PIGP: variants seen among roughly 807,000 people sequenced by gnomAD.
The protein encoded by PIGP is phosphatidylinositol N-acetylglucosaminyltransferase subunit P.
A neutral mutation model predicts 16.9 loss-of-function variants in PIGP; 12 were observed. That is an observed-to-expected ratio of 0.71 (90% confidence interval 0.46 to 1.15). The LOEUF (loss-of-function observed/expected upper bound fraction) is 1.15. PIGP is among the 50% of genes most tolerant of loss of function. The pLI, the probability that PIGP is intolerant of heterozygous loss-of-function variation, is 0.00. For synonymous variants in PIGP, 57 were observed against 54.7 expected (o/e 1.04, Z -0.18); for missense variants, 159 against 153.5 (o/e 1.04, Z -0.19).
At chr21:37,069,748 A>G in intron 2 of PIGP, 124 bp from the exon 3 acceptor site, 1 of 584,970 alleles carries the variant, frequency 1.7e-6, no homozygotes, top group Non-Finnish European at 2.9e-6. Flanking sequence ...ATTAACTCAG[A>G]AATGATTTTT....
intron 2 of PIGP, among the ~76,000 whole-genome samples, chr21:37,070,222 C>T (rs570506751): frequency 1.8e-4 from 27 of 152,298 alleles, no homozygotes; most frequent in Non-Finnish European, 2.6e-4. Flanking sequence ...GGCAAGTATG[C>T]AATTTTAAAT....
Position 37,065,697 on chromosome 21 carries a change from T to C in PIGP, c.290A>G (p.Asn97Ser). The C allele has an allele frequency of 1.2e-6, 2 of 1,613,040 alleles. No homozygotes were observed. Among genetic ancestry groups the C allele is most frequent in the Non-Finnish European group, 1.7e-6 (2 of 1,179,562 alleles). Residue 97 changes from asparagine to serine, a missense_variant, in exon 5 of 5, where the codon AAT (asparagine) becomes AGT (serine). Transcript: ENST00000360525. ...IHTITDNYAK[N>S]QQQKKYQEEA... ...CTCTTGGTATTTCTTCTGCTGTTGA[T>C]TTTTTGCATAGTTATCTGTAAGAAA...
At position 37,069,637 on chromosome 21, in the gene PIGP, A is replaced by T; in HGVS notation, c.83-13T>A. On this transcript the variant is annotated splice_polypyrimidine_tract_variant and intron_variant, in intron 2 of 4. Coordinates refer to ENST00000360525, the MANE Select transcript of PIGP (RefSeq NM_153682.3). ...ACGAGGTAAAGTACTGTAGAAAAGA[A>T]AAAGAAAAAAAAGAGGAAGAGAAGT... 2.6e-6 allele frequency: 4 copies of T among 1,511,882 alleles called. No individual in the cohort carries two copies. Among genetic ancestry groups the T allele is most frequent in the Non-Finnish European group, 3.6e-6 (4 of 1,114,088 alleles). The allele number at this position is 1,511,882 out of a possible 1,614,324, so 93.7% of individuals were successfully genotyped here. A position where few individuals can be genotyped will look rare whatever the true frequency, so the allele number is the denominator to read the frequency against.
In PIGP at chr21:37,067,315, A is replaced by G; in HGVS notation, c.221T>C (p.Phe74Ser). 1 of 1,612,670 alleles carries G rather than the reference A, an allele frequency of 6.2e-7. No homozygotes were observed. The highest frequency in any genetic ancestry group is 8.5e-7 in the Non-Finnish European group (1 of 1,178,674). Residue 74 changes from phenylalanine (F) to serine (S), a missense_variant, in exon 4 of 5, where the codon TTT becomes TCT. Coordinates refer to ENST00000360525, the MANE Select transcript of PIGP (RefSeq NM_153682.3). The stretch of plus-strand genomic sequence containing the variant: ...AGAGGTACTCATCATGTTAATCCCA[A>G]ACAAGAGCACGTAGCCAATTACTAT... ...IAIVIGYVLLFGINMMSTSPL... is the reference protein window; with the variant it reads ...IAIVIGYVLLSGINMMSTSPL...
In PIGP at chr21:37,071,319, G is replaced by A. The variant is rs146481890; in HGVS notation, c.82+1115C>T. On this transcript the variant is annotated intron_variant, in intron 2 of 4. Transcript: ENST00000360525. ...AAATTTAGAAGGCTTTTATTTAGTA[G>A]CTTTGCAATCTTGAGCAAGTTACTG... Among the ~76,000 whole-genome samples, 206 of 152,324 alleles carry A rather than the reference G, an allele frequency of 1.4e-3. 2 individuals are homozygous for A. The highest frequency in any genetic ancestry group is 4.5e-3 in the African/African-American group (187 of 41,572).
chr21:37,065,726 C>T lies in PIGP; in HGVS notation c.275-14G>A, dbSNP rs377400678. ...TTGCATAGTTATCTGTAAGAAAAGA[C>T]CAAAAAGCTCTGTTTACCTAAGCAA... On this transcript the variant is annotated splice_polypyrimidine_tract_variant and intron_variant, in intron 4 of 4. Coordinates refer to ENST00000360525, the MANE Select transcript of PIGP (RefSeq NM_153682.3). 4.3e-6 allele frequency: 7 copies of T among 1,609,740 alleles called. No homozygotes were observed. The highest frequency in any genetic ancestry group is 5.9e-6 in the Non-Finnish European group (7 of 1,178,356).
chr21:37,071,957 G>A (rs1346464442), intron 2 of PIGP, among the ~76,000 whole-genome samples: 5 of 152,086 alleles, frequency 3.3e-5, no homozygotes, highest in African/African-American at 9.7e-5. Flanking sequence ...AAGCTCCTCG[G>A]GTCCAAACCC....
chr21:37,070,903 C>T (rs1011836397), intron 2 of PIGP, among the ~76,000 whole-genome samples: 1 of 152,174 alleles, frequency 6.6e-6, no homozygotes, highest in Non-Finnish European at 1.5e-5. Flanking sequence ...GCTGGAGTTA[C>T]AGGCATGCGC....
intron 1 of PIGP, 195 bp from the exon 2 acceptor site, chr21:37,072,732 G>A: frequency 1.2e-6 from 1 of 813,524 alleles, no homozygotes; most frequent in Non-Finnish European, 1.9e-6. Context: ...CAGAAGGGGT[G>A]GCGGAGGATA....
chr21:37,069,945 A>G (rs1177071374), intron 2 of PIGP, among the ~76,000 whole-genome samples: 1 of 152,180 alleles, frequency 6.6e-6, no homozygotes, highest in African/African-American at 2.4e-5. Flanking sequence ...TAAGTGTTCA[A>G]TACTTCATCC....
In PIGP at chr21:37,065,708, G is replaced by A. The variant is rs773741455; in HGVS notation, c.279C>T (p.Asn93=). 8 of 1,612,386 alleles carry A rather than the reference G, an allele frequency of 5.0e-6. No homozygotes were observed. In the East Asian group the frequency reaches 1.8e-4, roughly 36 times the overall value. ...TCTTCTGCTGTTGATTTTTTGCATAGTTATCTGTAAGAAAAGACCAAAAAG... is the reference window on the plus strand; with the variant it reads ...TCTTCTGCTGTTGATTTTTTGCATAATTATCTGTAAGAAAAGACCAAAAAG... ...PLDSIHTITD[N]YAKNQQQKKY... is the part of the protein sequence containing the mutation. The change falls in exon 5 of 5, where the codon AAC becomes AAT. Residue 93 remains asparagine (N), a synonymous_variant. Coordinates refer to ENST00000360525, the MANE Select transcript of PIGP (RefSeq NM_153682.3).
chr21:37,071,531 G>C (rs928579047), intron 2 of PIGP, among the ~76,000 whole-genome samples: 1 of 152,148 alleles, frequency 6.6e-6, no homozygotes, highest in African/African-American at 2.4e-5. Context: ...GTCAGAATTC[G>C]AACTCAGTTG....
chr21:37,072,593 C>T (rs1216747467), intron 1 of PIGP, 56 bp from the exon 2 acceptor site: 1 of 1,609,652 alleles, frequency 6.2e-7, no homozygotes, highest in Non-Finnish European at 8.5e-7. Flanking sequence ...ACCATTGATC[C>T]ATTCTCGCCT....
intron 1 of PIGP, 161 bp downstream of exon 1, chr21:37,072,839 G>T: frequency 2.1e-6 from 1 of 483,026 alleles, no homozygotes; most frequent in East Asian, 3.6e-5. Flanking sequence ...AGGCTCGCGC[G>T]GCGCCCACCA....
At chr21:37,068,009 T>TA (rs2069936322) in intron 3 of PIGP, among the ~76,000 whole-genome samples, 3 of 1,432 alleles carry the variant, frequency 2.1e-3, no homozygotes, top group Non-Finnish European at 4.9e-3. Context: ...TTTCATTGAG[T>TA]GTTTTTTTTT....
intron 2 of PIGP, among the ~76,000 whole-genome samples, chr21:37,070,089 C>T (rs949646011): frequency 2.0e-5 from 3 of 152,154 alleles, no homozygotes; most frequent in African/African-American, 4.8e-5. Context: ...TCCGAAATCT[C>T]GGCACTCTTT....
At chr21:37,072,675 C>T in intron 1 of PIGP, 138 bp from the exon 2 acceptor site, 4 of 1,486,668 alleles carry the variant, frequency 2.7e-6, no homozygotes, top group South Asian at 2.4e-5. Flanking sequence ...AACCCGCGCC[C>T]CCGCCTCGAG....
intron 1 of PIGP, 188 bp downstream of exon 1, chr21:37,072,812 G>A (rs372447302): frequency 1.7e-5 from 9 of 535,346 alleles, no homozygotes; most frequent in South Asian, 9.1e-5. Flanking sequence ...CCCTGTGGGA[G>A]GGGAGGGCAG....
intron 3 of PIGP, 88 bp from the exon 4 acceptor site, chr21:37,067,468 A>T (rs2069926907): frequency 2.7e-6 from 2 of 752,608 alleles, no homozygotes; most frequent in East Asian, 5.0e-5. Flanking sequence ...CATGTTTTTT[A>T]AATTTAAATT....
Sources: gnomAD v4.1 joint callset for allele counts (sites outside exome capture counted in the v4.1 genomes callset) on GRCh38, gnomAD v4.1.1 for gene constraint, MANE v1.5 for transcripts, NCBI Gene and HGNC (gene_info 2026-07-23, HGNC 2026-07-21) for gene names.